HS3ST5: variants seen among roughly 807,000 people sequenced by gnomAD.
HS3ST5 encodes heparan sulfate glucosamine 3-O-sulfotransferase 5.
HS3ST5 carries 10 observed loss-of-function variants against 25.4 expected under a neutral mutation model. That is an observed-to-expected ratio of 0.39 (90% CI 0.24 to 0.67). HS3ST5 has a LOEUF of 0.67. HS3ST5 is among the 30% of genes least tolerant of loss of function. HS3ST5 has a pLI of 0.44. For synonymous variants in HS3ST5, 170 were observed against 162.4 expected, an observed-to-expected ratio of 1.05 and a Z score of -0.36; for missense variants, 324 against 420.7, an observed-to-expected ratio of 0.77 and a Z score of 2.01.
chr6:114,299,520 C>T (rs1774980721), intron 1 of HS3ST5, among the ~76,000 whole-genome samples: 1 of 152,126 alleles, frequency 6.6e-6, no homozygotes, highest in African/African-American at 2.4e-5. Context: ...TTTACGGCTC[C>T]TGGGGCATCA....
intron 3 of HS3ST5, among the ~76,000 whole-genome samples, chr6:114,080,033 T>C (rs992496351): frequency 6.6e-6 from 1 of 152,184 alleles, no homozygotes; most frequent in African/African-American, 2.4e-5. Flanking sequence ...CGCCCCAGCC[T>C]TCCAAAGTGC....
At chr6:114,116,508 A>T (rs1018119816) in intron 3 of HS3ST5, among the ~76,000 whole-genome samples, 1 of 152,118 alleles carries the variant, frequency 6.6e-6, no homozygotes, top group African/African-American at 2.4e-5. Context: ...TGACAAACTT[A>T]CTAGGTCTCC....
intron 1 of HS3ST5, among the ~76,000 whole-genome samples, chr6:114,249,666 A>C (rs1039570542): frequency 2.0e-5 from 3 of 152,202 alleles, no homozygotes. Flanking sequence ...TGTGGGATAC[A>C]AAGGCCAAGC....
At chr6:114,229,368 T>C (rs1048584474) in intron 1 of HS3ST5, among the ~76,000 whole-genome samples, 1 of 152,122 alleles carries the variant, frequency 6.6e-6, no homozygotes, top group Non-Finnish European at 1.5e-5. Flanking sequence ...GAAGAAAACA[T>C]CTATTTTTAA....
At chr6:114,240,351 T>A (rs544607027) in intron 1 of HS3ST5, among the ~76,000 whole-genome samples, 1 of 152,314 alleles carries the variant, frequency 6.6e-6, no homozygotes, top group Non-Finnish European at 1.5e-5. Flanking sequence ...ACTGCTTGAC[T>A]CTTTTCAATT....
intron 1 of HS3ST5, among the ~76,000 whole-genome samples, chr6:114,274,392 T>G (rs1301888886): frequency 6.6e-6 from 1 of 152,020 alleles, no homozygotes; most frequent in South Asian, 2.1e-4. Flanking sequence ...AAAGTGATAA[T>G]AGTCAGCACG....
rs1003100228 is a variant in HS3ST5, at chr6:114,177,388, T to A, written c.-144-8926A>T. On this transcript the variant is annotated intron_variant, in intron 2 of 4. Transcript: ENST00000312719. ...TAATCACTCTAGTGTTCCTAAAGTC[T>A]TGACATTTTTTAAGTGTGTATGTAA... Among the ~76,000 whole-genome samples, 6 of 152,326 alleles carry A rather than the reference T, an allele frequency of 3.9e-5. No individual in the cohort carries two copies. In the East Asian group the frequency reaches 1.2e-3, roughly 29 times the overall value.
At chr6:114,295,686 G>A (rs1217295718) in intron 1 of HS3ST5, among the ~76,000 whole-genome samples, 1 of 152,006 alleles carries the variant, frequency 6.6e-6, no homozygotes, top group African/African-American at 2.4e-5. Context: ...AGAAGGGAAG[G>A]AACTACTCAG....
chr6:114,311,403 CTT>C (rs1377116879), intron 1 of HS3ST5, among the ~76,000 whole-genome samples: 1 of 152,088 alleles, frequency 6.6e-6, no homozygotes, highest in Non-Finnish European at 1.5e-5. Flanking sequence ...TTAAATTACT[CTT>C]TATGTTTTCC....
chr6:114,060,505 T>A (rs1773048581), intron 4 of HS3ST5, among the ~76,000 whole-genome samples: 2 of 152,206 alleles, frequency 1.3e-5, no homozygotes, highest in Admixed American at 1.3e-4. Context: ...ATCTTTCAGT[T>A]CTTCTTGGGT....
intron 2 of HS3ST5, among the ~76,000 whole-genome samples, chr6:114,172,359 T>A (rs1779512872): frequency 6.6e-6 from 1 of 152,212 alleles, no homozygotes; most frequent in Non-Finnish European, 1.5e-5. Context: ...CAAATATTCC[T>A]CCTATTTAGA....
At chr6:114,084,184 G>T in intron 3 of HS3ST5, 4 of 1,000,720 alleles carry the variant, frequency 4.0e-6, no homozygotes, top group Non-Finnish European at 6.2e-6. Flanking sequence ...CCATTAAGTG[G>T]TTGCTCCTAT....
intron 3 of HS3ST5, among the ~76,000 whole-genome samples, chr6:114,135,131 C>T (rs1366244284): frequency 1.3e-5 from 2 of 152,202 alleles, no homozygotes; most frequent in Non-Finnish European, 2.9e-5. Context: ...GAGAGGACAC[C>T]ATGAGCTCTT....
intron 1 of HS3ST5, among the ~76,000 whole-genome samples, chr6:114,330,177 G>A (rs1776336686): frequency 6.6e-6 from 1 of 151,822 alleles, no homozygotes; most frequent in Non-Finnish European, 1.5e-5. Context: ...AAAGAAGAAA[G>A]AACACATTAA....
chr6:114,309,962 C>T (rs942438032), intron 1 of HS3ST5, among the ~76,000 whole-genome samples: 4 of 152,068 alleles, frequency 2.6e-5, no homozygotes, highest in South Asian at 2.1e-4. Context: ...TCTATATTTA[C>T]GTATACTTTC....
chr6:114,230,123 C>CTTTTTTTT (rs910225173), intron 1 of HS3ST5: 10 of 75,960 alleles, frequency 1.3e-4, no homozygotes, highest in African/African-American at 2.2e-4. Flanking sequence ...TGGAACTTGC[C>CTTTTTTTT]TTTTTTTTTT....
intron 3 of HS3ST5, among the ~76,000 whole-genome samples, chr6:114,085,379 T>C (rs781104163): frequency 2.6e-5 from 4 of 152,202 alleles, no homozygotes; most frequent in Non-Finnish European, 4.4e-5. Context: ...ACATGCAGGA[T>C]GAATCAGAAC....
intron 3 of HS3ST5, among the ~76,000 whole-genome samples, chr6:114,123,764 T>C (rs1404780171): frequency 6.6e-6 from 1 of 152,222 alleles, no homozygotes; most frequent in Non-Finnish European, 1.5e-5. Flanking sequence ...ACATACTCAC[T>C]TGCAAGTATA....
At position 114,055,622 on chromosome 6, in the gene HS3ST5, A is replaced by G. The variant is rs940854193; in HGVS notation, c.*1635T>C. 1 of 152,222 alleles carries G rather than the reference A, an allele frequency of 6.6e-6. No individual in the cohort carries two copies. Among genetic ancestry groups the G allele is most frequent in the African/African-American group, 2.4e-5 (1 of 41,450 alleles). The allele number at this position is 152,222 out of a possible 1,614,324, so 9.4% of individuals were successfully genotyped here. A position where few individuals can be genotyped will look rare whatever the true frequency, so the allele number is the denominator to read the frequency against. On this transcript the variant is annotated 3_prime_UTR_variant, in exon 5 of 5. Transcript: ENST00000312719. ...GAGGGGAAAGGGCTATTTATTTAGA[A>G]AAGTTCACCATCAAATCACTAGACA...
Sources: allele counts gnomAD v4.1 joint callset (sites outside exome capture counted in the v4.1 genomes callset), GRCh38; gene constraint gnomAD v4.1.1; transcripts MANE v1.5; gene names NCBI Gene and HGNC (gene_info 2026-07-23, HGNC 2026-07-21).